The following KCNH7 variants were observed in gnomAD, a reference collection of about 807,000 sequenced individuals.
KCNH7 encodes the protein voltage-gated inwardly rectifying potassium channel KCNH7.
In KCNH7, 49 loss-of-function variants were observed where a neutral mutation model predicts 120.8. That is an observed-to-expected ratio of 0.41 (90% CI 0.32 to 0.51). The LOEUF is 0.51. Ranked by LOEUF, KCNH7 falls within the 20% of genes least tolerant of loss-of-function variation. KCNH7 has a pLI of 0.38. For synonymous variants in KCNH7, 547 were observed against 516.1 expected (o/e 1.06, Z -0.81); for missense variants, 1,097 against 1,446.6 (o/e 0.76, Z 3.92).
chr2:162,408,228 TAAAGG>T (rs749305331), intron 9 of KCNH7, among the ~76,000 whole-genome samples: 1 of 152,054 alleles, frequency 6.6e-6, no homozygotes, highest in South Asian at 2.1e-4. Flanking sequence ...AGAAAAGTAA[TAAAGG>T]ATAGAAATCT....
chr2:162,737,886 G>A (rs1193325978), intron 2 of KCNH7, among the ~76,000 whole-genome samples: 1 of 151,906 alleles, frequency 6.6e-6, no homozygotes, highest in Non-Finnish European at 1.5e-5. Flanking sequence ...CTAACATGGT[G>A]AAATCCCATC....
In KCNH7 at chr2:162,504,647, A is replaced by G; in HGVS notation, c.924T>C (p.Asn308=). ...DNGRNVKGPF[N]HIKSSLLGST... ...ATCCCAGGAGGCTTGACTTGATATG[A>G]TTAAAAGGCCCTAAAAAAATGGAAA... The change falls in exon 6 of 16, where the codon AAT becomes AAC. Residue 308 remains asparagine (N), a synonymous_variant. Transcript: ENST00000332142. 1.2e-6 allele frequency: 2 copies of G among 1,607,046 alleles called. No homozygotes were observed. Among genetic ancestry groups the G allele is most frequent in the Non-Finnish European group, 1.7e-6 (2 of 1,174,710 alleles).
At chr2:162,744,277 G>A (rs150525279) in intron 2 of KCNH7, among the ~76,000 whole-genome samples, 444 of 152,224 alleles carry the variant, frequency 2.9e-3, no homozygotes, top group Non-Finnish European at 5.2e-3. Flanking sequence ...CATTGTCAAG[G>A]AGAACTTGAT....
At chr2:162,687,462 T>A (rs1292831677) in intron 2 of KCNH7, among the ~76,000 whole-genome samples, 1 of 152,196 alleles carries the variant, frequency 6.6e-6, no homozygotes, top group East Asian at 1.9e-4. Flanking sequence ...CATTTTATTA[T>A]TATATATGCC....
At chr2:162,767,183 C>A (rs62171390) in intron 2 of KCNH7, among the ~76,000 whole-genome samples, 14,182 of 152,054 alleles carry the variant, frequency 0.093, 847 homozygotes, top group Non-Finnish European at 0.12. Context: ...TAACCATGTA[C>A]ATACTCTTGT....
At chr2:162,527,229 T>C (rs1691739025) in intron 3 of KCNH7, among the ~76,000 whole-genome samples, 1 of 152,004 alleles carries the variant, frequency 6.6e-6, no homozygotes, top group Admixed American at 6.6e-5. Flanking sequence ...AAATTTAATC[T>C]TTAAAAAGAG....
intron 2 of KCNH7, among the ~76,000 whole-genome samples, chr2:162,729,882 A>T (rs184208098): frequency 0.055 from 8,406 of 151,828 alleles, 301 homozygotes; most frequent in Non-Finnish European, 0.082. Context: ...TTTTGTGAAA[A>T]TTTTTTTTCT....
intron 2 of KCNH7, among the ~76,000 whole-genome samples, chr2:162,661,132 C>T (rs559693530): frequency 2.0e-4 from 31 of 152,274 alleles, no homozygotes; most frequent in African/African-American, 1.4e-4. Context: ...GACAATATTA[C>T]GATTCCAGTG....
intron 3 of KCNH7, among the ~76,000 whole-genome samples, chr2:162,526,789 A>G (rs1464601330): frequency 2.0e-5 from 3 of 152,048 alleles, no homozygotes; most frequent in Non-Finnish European, 4.4e-5. Flanking sequence ...CTAAGCGGAC[A>G]TACATCCTCC....
At chr2:162,437,118 C>T (rs1349614178) in intron 7 of KCNH7, among the ~76,000 whole-genome samples, 1 of 152,108 alleles carries the variant, frequency 6.6e-6, no homozygotes, top group African/African-American at 2.4e-5. Context: ...AAGACCCTGT[C>T]TTTAAAAGAA....
chr2:162,454,267 G>A (rs996136182), intron 6 of KCNH7, among the ~76,000 whole-genome samples: 2 of 152,110 alleles, frequency 1.3e-5, no homozygotes, highest in African/African-American at 4.8e-5. Flanking sequence ...TTGTATATGT[G>A]TGGTGATATT....
chr2:162,470,642 C>A (rs755051843), intron 6 of KCNH7, among the ~76,000 whole-genome samples: 1 of 151,084 alleles, frequency 6.6e-6, no homozygotes, highest in African/African-American at 2.4e-5. Flanking sequence ...GCCCCCCGCC[C>A]GGCCAGCCGC....
At chr2:162,785,658 C>A (rs1683672628) in intron 2 of KCNH7, among the ~76,000 whole-genome samples, 1 of 152,098 alleles carries the variant, frequency 6.6e-6, no homozygotes, top group African/African-American at 2.4e-5. Context: ...TCCTGTTTTG[C>A]ACTATTACTC....
chr2:162,469,580 A>T (rs1689426214), intron 6 of KCNH7, among the ~76,000 whole-genome samples: 1 of 152,144 alleles, frequency 6.6e-6, no homozygotes. Flanking sequence ...AGTACGTTCC[A>T]CTATCAAAGC....
chr2:162,492,820 TAGATATATCTAAAAGGAC>T (rs1690354136), intron 6 of KCNH7, among the ~76,000 whole-genome samples: 3 of 149,608 alleles, frequency 2.0e-5, no homozygotes, highest in Non-Finnish European at 4.4e-5. Context: ...CTCCAAGCTA[TAGATATATCTAAAAGGAC>T]TCTATGTTTT....
At chr2:162,479,854 T>C (rs543245233) in intron 6 of KCNH7, among the ~76,000 whole-genome samples, 1 of 152,300 alleles carries the variant, frequency 6.6e-6, no homozygotes, top group Non-Finnish European at 1.5e-5. Context: ...TCCCTGCCTT[T>C]TAGTCTTTCT....
chr2:162,646,548 T>G (rs1684364877), intron 2 of KCNH7, among the ~76,000 whole-genome samples: 1 of 152,198 alleles, frequency 6.6e-6, no homozygotes, highest in Non-Finnish European at 1.5e-5. Flanking sequence ...AGAAGTTTAT[T>G]CAATGAGCTT....
At chr2:162,604,860 C>A (rs1274084387) in intron 2 of KCNH7, among the ~76,000 whole-genome samples, 1 of 151,942 alleles carries the variant, frequency 6.6e-6, no homozygotes, top group East Asian at 1.9e-4. Flanking sequence ...ACCTGCAAAG[C>A]AAGAAAAGTC....
At chr2:162,702,069 TTCAG>T (rs1192854643) in intron 2 of KCNH7, among the ~76,000 whole-genome samples, 1 of 151,914 alleles carries the variant, frequency 6.6e-6, no homozygotes, top group Non-Finnish European at 1.5e-5. Context: ...CATTATATAG[TTCAG>T]TCAATTTCAA....
Sources: allele counts gnomAD v4.1 joint callset (sites outside exome capture counted in the v4.1 genomes callset), GRCh38; gene constraint gnomAD v4.1.1; transcripts MANE v1.5; gene names NCBI Gene and HGNC (gene_info 2026-07-23, HGNC 2026-07-21).